Variants in ACSM3 observed in about 807,000 individuals in gnomAD.
ACSM3 encodes the protein acyl-coenzyme A synthetase ACSM3, mitochondrial.
Under a neutral mutation model 74.1 loss-of-function variants are expected in ACSM3, and 61 were observed. That is an observed-to-expected ratio of 0.82 (90% CI 0.67 to 1.02). The LOEUF is 1.02. Ranked by LOEUF, ACSM3 falls within the 50% of genes least tolerant of loss-of-function variation. The pLI, the probability that ACSM3 is intolerant of heterozygous loss-of-function variation, is 0.00. For synonymous variants in ACSM3, 213 were observed against 241.5 expected (o/e 0.88, Z 1.09); for missense variants, 660 against 697.0 (o/e 0.95, Z 0.60).
intron 1 of ACSM3, among the ~76,000 whole-genome samples, chr16:20,768,470 A>G (rs1045680959): frequency 2.0e-5 from 3 of 152,326 alleles, no homozygotes; most frequent in Non-Finnish European, 4.4e-5. Context: ...ACAAGCTTCT[A>G]GGTGATAAAG....
chr16:20,710,824 C>A (rs2079741601), intron 1 of ACSM3, among the ~76,000 whole-genome samples: 1 of 152,114 alleles, frequency 6.6e-6, no homozygotes, highest in Non-Finnish European at 1.5e-5. Context: ...GTGGCTCACA[C>A]CTGTAATCCC....
At chr16:20,796,626 G>A in intron 13 of ACSM3, 137 bp downstream of exon 13, 2 of 1,509,770 alleles carry the variant, frequency 1.3e-6, no homozygotes, top group Non-Finnish European at 1.8e-6. Flanking sequence ...ATATGGGTAA[G>A]AATCAGAATC....
At chr16:20,718,856 T>C (rs957160263) in intron 1 of ACSM3, among the ~76,000 whole-genome samples, 3 of 152,242 alleles carry the variant, frequency 2.0e-5, no homozygotes, top group Admixed American at 6.5e-5. Flanking sequence ...AAAATAATGA[T>C]ATACTTAATT....
At chr16:20,699,631 A>G (rs894133626) in intron 1 of ACSM3, among the ~76,000 whole-genome samples, 4 of 152,164 alleles carry the variant, frequency 2.6e-5, no homozygotes, top group Admixed American at 2.0e-4. Flanking sequence ...AGGAGCAGCC[A>G]CTTTTCGGAA....
chr16:20,786,295 T>C (rs1465955768), intron 9 of ACSM3, 137 bp downstream of exon 9: 1 of 1,403,292 alleles, frequency 7.1e-7, no homozygotes, highest in Non-Finnish European at 9.4e-7. Context: ...TTTTTATAAA[T>C]ATGTGAAAAT....
intron 1 of ACSM3, chr16:20,711,584 T>A: frequency 7.6e-7 from 1 of 1,324,482 alleles, no homozygotes; most frequent in South Asian, 1.2e-5. Context: ...GTCCCAGTAG[T>A]GGAGTCCATT....
intron 1 of ACSM3, among the ~76,000 whole-genome samples, chr16:20,720,651 G>T (rs6497516): frequency 0.62 from 93,386 of 150,694 alleles, 29,829 homozygotes; most frequent in Non-Finnish European, 0.72. Flanking sequence ...ACATAAGAAC[G>T]GAGATCTCCA....
chr16:20,690,892 G>C (rs2079640629), intron 1 of ACSM3: 1 of 1,096,660 alleles, frequency 9.1e-7, no homozygotes, highest in Non-Finnish European at 1.3e-6. Flanking sequence ...CTGATAAGTT[G>C]AGGCAGAAGT....
chr16:20,756,548 G>A (rs1290209669), intron 3 of ACSM3, among the ~76,000 whole-genome samples: 1 of 152,186 alleles, frequency 6.6e-6, no homozygotes, highest in African/African-American at 2.4e-5. Flanking sequence ...TTTGTCAGAT[G>A]AGTAGGTTGC....
intron 1 of ACSM3, chr16:20,733,683 TTTTGA>T (rs573256645): frequency 2.9e-3 from 434 of 152,160 alleles, no homozygotes; most frequent in African/African-American, 9.8e-3. Context: ...AACAAATTTA[TTTTGA>T]TTTTTCTGAA....
At chr16:20,732,068 CT>C (rs564611404) in intron 1 of ACSM3, among the ~76,000 whole-genome samples, 10 of 152,288 alleles carry the variant, frequency 6.6e-5, no homozygotes, top group Admixed American at 2.6e-4. Context: ...TCCTAGGACT[CT>C]TGGCCCTAAT....
At chr16:20,693,977 A>T (rs1162307009) in intron 1 of ACSM3, among the ~76,000 whole-genome samples, 1 of 152,270 alleles carries the variant, frequency 6.6e-6, no homozygotes, top group Admixed American at 6.5e-5. Context: ...TAACCGTAAT[A>T]AAGAAATCAA....
Position 20,790,476 on chromosome 16 carries a change from TAA to T in ACSM3, c.1225-110_1225-109del, listed in dbSNP as rs2152484793. The T allele has an allele frequency of 9.2e-7, 1 of 1,092,516 alleles. No homozygotes were observed. Among genetic ancestry groups the T allele is most frequent in the Non-Finnish European group, 1.3e-6 (1 of 756,346 alleles). The allele number at this position is 1,092,516 out of a possible 1,614,324, so 67.7% of individuals were successfully genotyped here. A position where few individuals can be genotyped will look rare whatever the true frequency, so the allele number is the denominator to read the frequency against. On this transcript the variant is annotated intron_variant, in intron 9 of 13. Coordinates refer to ENST00000289416, the MANE Select transcript of ACSM3 (RefSeq NM_005622.4). The surrounding 1 kb of genome is among the most constrained non-coding windows in gnomAD (Gnocchi z 4.0). ...TGTCTCACACACACAAAATTTTTTT[TAA>T]GTCTTCATTTTTAAATGGCAAAAGC...
intron 2 of ACSM3, among the ~76,000 whole-genome samples, chr16:20,754,713 T>C (rs1220164381): frequency 3.9e-5 from 6 of 152,304 alleles, no homozygotes; most frequent in East Asian, 3.9e-4. Context: ...AGTGTAACCA[T>C]TGAGTTTAGG....
intron 1 of ACSM3, chr16:20,736,997 C>G: frequency 6.2e-7 from 1 of 1,614,148 alleles, no homozygotes. Context: ...TCTGCCCCAG[C>G]TCCTCAGTAT....
intron 1 of ACSM3, among the ~76,000 whole-genome samples, chr16:20,700,571 A>T (rs1443866308): frequency 1.3e-5 from 2 of 151,704 alleles, no homozygotes; most frequent in African/African-American, 4.8e-5. Context: ...GGGGACTGGG[A>T]TGGCAGATTA....
Position 20,748,140 on chromosome 16 carries a change from A to AAAAT in ACSM3, c.-189-1752_-189-1749dup, listed in dbSNP as rs71149181. On this transcript the variant is annotated intron_variant, in intron 1 of 3. Coordinates refer to the ACSM3 transcript ENST00000561584. ...GGGACAAAATGAGACCATGTCTCAA[A>AAAAT]AAATAAATAAATAAATAAATAGATA... 3.7e-3 allele frequency among the ~76,000 whole-genome samples: 556 copies of AAAAT among 150,846 alleles called. 3 individuals carry two copies. The highest frequency in any genetic ancestry group is 0.012 in the African/African-American group (511 of 41,092).
chr16:20,722,245 G>C (rs957051309), intron 1 of ACSM3: 4 of 152,144 alleles, frequency 2.6e-5, no homozygotes, highest in Non-Finnish European at 5.9e-5. Flanking sequence ...AAGATTAAGG[G>C]GACTAGGGCT....
rs1385832089 is a variant in ACSM3, at chr16:20,727,323, A to G, written c.-189-22587A>G. 158 of 579,456 alleles carry G rather than the reference A, an allele frequency of 2.7e-4. 1 individual carries two copies. The highest frequency in any genetic ancestry group is 2.1e-3 in the South Asian group (151 of 72,806). The allele number at this position is 579,456 out of a possible 1,614,324, so 35.9% of individuals were successfully genotyped here. A position where few individuals can be genotyped will look rare whatever the true frequency, so the allele number is the denominator to read the frequency against. Reference sequence around the variant, plus strand: ...CTCAGGTTCCTCTCAAAAAGGCCCCATGCAACTCTGTCTCTCCAGATATAA... The same window carrying G: ...CTCAGGTTCCTCTCAAAAAGGCCCCGTGCAACTCTGTCTCTCCAGATATAA... On this transcript the variant is annotated intron_variant, in intron 1 of 3. Coordinates refer to the ACSM3 transcript ENST00000561584.
Sources: allele counts gnomAD v4.1 joint callset (sites outside exome capture counted in the v4.1 genomes callset), GRCh38; gene constraint gnomAD v4.1.1; non-coding constraint Gnocchi (gnomAD v3.1); transcripts MANE v1.5; gene names NCBI Gene and HGNC (gene_info 2026-07-23, HGNC 2026-07-21).